Variants in CDC6 observed in about 807,000 individuals in gnomAD.
CDC6 encodes cell division cycle 6.
CDC6 carries 46 observed loss-of-function variants against 60.2 expected under a neutral mutation model. The observed-to-expected ratio is 0.76, with a 90% CI of 0.60 to 0.98. CDC6 has a LOEUF of 0.98. CDC6 is among the 50% of genes least tolerant of loss of function. The probability of loss-of-function intolerance (pLI) is 0.00; values close to 1 mark genes in which losing one functional copy is unlikely to be tolerated. For synonymous variants in CDC6, 210 were observed against 233.2 expected (o/e 0.90, Z 0.90); for missense variants, 596 against 652.9 (o/e 0.91, Z 0.95).
At position 40,304,543 on chromosome 17, in the gene CDC6, T is replaced by C; in HGVS notation, c.*2542T>C. 6.6e-6 allele frequency: 1 copy of C among 152,256 alleles called. No individual in the cohort carries two copies. The highest frequency in any genetic ancestry group is 1.9e-4 in the East Asian group (1 of 5,194). The allele number at this position is 152,256 out of a possible 1,614,324, so 9.4% of individuals were successfully genotyped here. A position where few individuals can be genotyped will look rare whatever the true frequency, so the allele number is the denominator to read the frequency against. On this transcript the variant is annotated 3_prime_UTR_variant, in exon 12 of 12. Coordinates refer to ENST00000209728, the MANE Select transcript of CDC6 (RefSeq NM_001254.4). The stretch of plus-strand genomic sequence containing the variant: ...TTTTGAAGGTGATGGAGTGTGTGTC[T>C]ATATCCTGGTTTATCTCTCTCCCCC...
chr17:40,299,863 T>C (rs1001441139), intron 9 of CDC6, among the ~76,000 whole-genome samples: 1 of 152,174 alleles, frequency 6.6e-6, no homozygotes, highest in Non-Finnish European at 1.5e-5. Flanking sequence ...TCAAAGGTCA[T>C]TTGGGGAAGC....
chr17:40,294,289 T>A, intron 6 of CDC6, 75 bp from the exon 7 acceptor site: 1 of 1,251,718 alleles, frequency 8.0e-7, no homozygotes, highest in Admixed American at 1.7e-5. Context: ...TGGAGATTTA[T>A]TTAGCTTTCA....
At chr17:40,297,758 G>T (rs955927114) in intron 9 of CDC6, among the ~76,000 whole-genome samples, 1 of 152,176 alleles carries the variant, frequency 6.6e-6, no homozygotes, top group South Asian at 2.1e-4. Flanking sequence ...AACAGAGCGA[G>T]ACCCTGTCCC....
intron 4 of CDC6, 64 bp from the exon 5 acceptor site, chr17:40,293,392 G>C: frequency 3.2e-6 from 4 of 1,250,232 alleles, no homozygotes; most frequent in Non-Finnish European, 4.7e-6. Context: ...AGACATTTTA[G>C]GCTCTATCAG....
At chr17:40,288,701 C>T (rs923851893) in intron 1 of CDC6, among the ~76,000 whole-genome samples, 9 of 151,632 alleles carry the variant, frequency 5.9e-5, no homozygotes, top group Non-Finnish European at 1.2e-4. Context: ...TCTCCTGCCT[C>T]AGCCTCCCGA....
chr17:40,289,355 T>C, intron 1 of CDC6, 53 bp from the exon 2 acceptor site: 1 of 1,353,128 alleles, frequency 7.4e-7, no homozygotes. Context: ...GTTAGTTATT[T>C]TCTCTTCACT....
Position 40,293,501 on chromosome 17 carries a change from T to C in CDC6, c.706T>C (p.Leu236=). The C allele has an allele frequency of 6.2e-7, 1 of 1,614,062 alleles. No homozygotes were observed. The highest frequency in any genetic ancestry group is 8.5e-7 in the Non-Finnish European group (1 of 1,179,898). ...AACTATCATGCTGAATTGCATGTCCTTGAGGACTGCCCAGGCTGTATTCCC... is the reference window on the plus strand; with the variant it reads ...AACTATCATGCTGAATTGCATGTCCCTGAGGACTGCCCAGGCTGTATTCCC... ...FKTIMLNCMS[L]RTAQAVFPAI... is the part of the protein sequence containing the mutation. Residue 236 remains leucine, a synonymous_variant, in exon 5 of 12, where the codon TTG becomes CTG. Transcript: ENST00000209728.
chr17:40,288,751 A>AT (rs1310059733), intron 1 of CDC6, among the ~76,000 whole-genome samples: 4 of 151,904 alleles, frequency 2.6e-5, no homozygotes, highest in African/African-American at 7.3e-5. Context: ...CGCCCGGCTA[A>AT]TTTTTTGCAT....
chr17:40,301,341 T>C (rs2032937877), intron 10 of CDC6, 127 bp from the exon 11 acceptor site: 4 of 901,360 alleles, frequency 4.4e-6, no homozygotes, highest in Non-Finnish European at 7.4e-6. Context: ...AAGATTTTAT[T>C]GAAAAGAGGA....
intron 9 of CDC6, 148 bp from the exon 10 acceptor site, chr17:40,300,680 C>A: frequency 1.3e-6 from 1 of 742,868 alleles, no homozygotes; most frequent in South Asian, 1.5e-5. Context: ...CCTTTGGCCT[C>A]TGGTTAGAGA....
intron 7 of CDC6, 40 bp from the exon 8 acceptor site, chr17:40,295,316 C>T: frequency 7.6e-7 from 1 of 1,309,464 alleles, no homozygotes; most frequent in Non-Finnish European, 1.1e-6. Flanking sequence ...GAGGGAGAAT[C>T]TTATGGTTCA....
In CDC6 at chr17:40,301,375, T is replaced by G; in HGVS notation, c.1453-93T>G. On this transcript the variant is annotated intron_variant, in intron 10 of 11. Coordinates refer to ENST00000209728, the MANE Select transcript of CDC6 (RefSeq NM_001254.4). ...GAAGAAATAGGGTATTCAGATAAGTTTTTGCAAACCCAGACTCAGGTTTCT... is the reference window on the plus strand; with the variant it reads ...GAAGAAATAGGGTATTCAGATAAGTGTTTGCAAACCCAGACTCAGGTTTCT... 3 of 1,283,484 alleles carry G rather than the reference T, an allele frequency of 2.3e-6. No homozygotes were observed. In the South Asian group the frequency reaches 3.6e-5, roughly 15 times the overall value. The allele number at this position is 1,283,484 out of a possible 1,614,324, so 79.5% of individuals were successfully genotyped here.
At chr17:40,301,424 A>G in intron 10 of CDC6, 44 bp from the exon 11 acceptor site, 2 of 1,602,374 alleles carry the variant, frequency 1.2e-6, no homozygotes, top group South Asian at 1.1e-5. Flanking sequence ...GCTATAAGCA[A>G]TGTGACTTTT....
chr17:40,293,620 G>A lies in CDC6; in HGVS notation c.825G>A (p.Lys275=). 1.2e-6 allele frequency: 2 copies of A among 1,612,600 alleles called. No individual in the cohort carries two copies. The highest frequency in any genetic ancestry group is 1.7e-6 in the Non-Finnish European group (2 of 1,178,594). The change falls in exon 5 of 12, where the codon AAG becomes AAA. Residue 275 remains lysine (K), a synonymous_variant. Coordinates refer to ENST00000209728, the MANE Select transcript of CDC6 (RefSeq NM_001254.4). The part of the protein sequence containing the change: ...RKLEKHMTAE[K]GPMIVLVLDE... ...TGGAAAAACATATGACTGCAGAGAA[G>A]GGCCCCATGATGTAAGTATTGTTCT...
intron 2 of CDC6, among the ~76,000 whole-genome samples, 159 bp from the exon 3 acceptor site, chr17:40,290,899 T>C (rs2032747358): frequency 6.6e-6 from 1 of 152,244 alleles, no homozygotes; most frequent in Non-Finnish European, 1.5e-5. Context: ...AGTGGTGCCA[T>C]CTGGTGACCA....
At position 40,303,831 on chromosome 17, in the gene CDC6, C is replaced by T. The variant is rs568357126; in HGVS notation, c.*1830C>T. ...GATTTAAATTACATTTTATTGGATG[C>T]TGCAGCCTTAAGAGACGTGACTGCT... On this transcript the variant is annotated 3_prime_UTR_variant, in exon 12 of 12. Coordinates refer to ENST00000209728, the MANE Select transcript of CDC6 (RefSeq NM_001254.4). 4 of 152,346 alleles carry T rather than the reference C, an allele frequency of 2.6e-5. No homozygotes were observed. The highest frequency in any genetic ancestry group is 9.6e-5 in the African/African-American group (4 of 41,576). 9.4% of individuals were successfully genotyped at this position (152,346 alleles called of 1,614,324 possible). A position where few individuals can be genotyped will look rare whatever the true frequency, so the allele number is the denominator to read the frequency against.
intron 6 of CDC6, 71 bp downstream of exon 6, chr17:40,294,127 T>A: frequency 2.4e-6 from 3 of 1,232,776 alleles, no homozygotes; most frequent in Non-Finnish European, 3.6e-6. Context: ...TCAGCTTATT[T>A]ATCAGCTATT....
At chr17:40,298,392 T>C (rs1273963202) in intron 9 of CDC6, among the ~76,000 whole-genome samples, 1 of 139,400 alleles carries the variant, frequency 7.2e-6, no homozygotes, top group East Asian at 2.2e-4. Flanking sequence ...TTGGCTTTTT[T>C]CTTTCTTTTT....
At chr17:40,300,066 G>A (rs2032915417) in intron 9 of CDC6, among the ~76,000 whole-genome samples, 1 of 151,960 alleles carries the variant, frequency 6.6e-6, no homozygotes, top group African/African-American at 2.4e-5. Context: ...GGGTTCAAGT[G>A]ATTCTTCTGC....
Sources: gnomAD v4.1 joint callset for allele counts (sites outside exome capture counted in the v4.1 genomes callset) on GRCh38, gnomAD v4.1.1 for gene constraint, MANE v1.5 for transcripts, NCBI Gene and HGNC (gene_info 2026-07-23, HGNC 2026-07-21) for gene names.